ADH1B: variants seen among roughly 807,000 people sequenced by gnomAD.
ADH1B encodes the protein all-trans-retinol dehydrogenase [NAD(+)] ADH1B.
Under a neutral mutation model 34.6 loss-of-function variants are expected in ADH1B, and 29 were observed. That is an observed-to-expected ratio of 0.84 (90% CI 0.62 to 1.14). The LOEUF is 1.14. Among genes scored for constraint, ADH1B ranks in the 50% most tolerant of loss-of-function variants. ADH1B has a pLI of 0.00. For missense variants in ADH1B, 424 were observed against 468.4 expected (o/e 0.91, Z 0.87); for synonymous variants, 170 against 175.5 (o/e 0.97, Z 0.25).
chr4:99,311,772 C>G, intron 6 of ADH1B, 116 bp from the exon 7 acceptor site: 1 of 1,442,866 alleles, frequency 6.9e-7, no homozygotes. Context: ...GGGAAGAGAT[C>G]ATGTCTTTTG....
chr4:99,313,841 T>A lies in ADH1B; in HGVS notation c.808A>T (p.Ile270Phe). Residue 270 changes from isoleucine to phenylalanine, a missense_variant, in exon 6 of 9, where the codon ATC becomes TTC. Transcript: ENST00000305046. The part of the protein sequence containing the change: ...DGGVDFSFEV[I>F]GRLDTMMASL... ...CATACCATGGTGTCAAGCCGACCGA[T>A]GACTTCAAACGAAAAATCCACACCT... 1 of 1,614,060 alleles carries A rather than the reference T, an allele frequency of 6.2e-7. No homozygotes were observed. Among genetic ancestry groups the A allele is most frequent in the Non-Finnish European group, 8.5e-7 (1 of 1,179,902 alleles).
At chr4:99,316,838 C>T (rs1733897604) in intron 3 of ADH1B, 1 of 143,566 alleles carries the variant, frequency 7.0e-6, no homozygotes, top group Non-Finnish European at 1.5e-5. Flanking sequence ...TTTAAAAAAT[C>T]CTAGGTCTTT....
chr4:99,313,890 T>C lies in ADH1B; in HGVS notation c.759A>G (p.Glu253=), dbSNP rs758125644. 6.8e-5 allele frequency: 110 copies of C among 1,614,006 alleles called. No individual in the cohort carries two copies. Among genetic ancestry groups the C allele is most frequent in the Non-Finnish European group, 8.6e-5 (102 of 1,179,966 alleles). ...CTCCATCAGTCATTTCCTTTAGCAC[T>C]TCCTGAATGGGTTTCTTGTAGTCTT... The part of the protein sequence containing the change: ...NPQDYKKPIQ[E]VLKEMTDGGV... Residue 253 remains glutamate, a synonymous_variant, in exon 6 of 9, where the codon GAA becomes GAG. Coordinates refer to ENST00000305046, the MANE Select transcript of ADH1B (RefSeq NM_000668.6).
At chr4:99,313,301 AT>A (rs1733797724) in intron 6 of ADH1B, among the ~76,000 whole-genome samples, 1 of 152,194 alleles carries the variant, frequency 6.6e-6, no homozygotes. Context: ...CTGTGATAAA[AT>A]ACAGTGATGT....
At chr4:99,318,335 TC>T in intron 2 of ADH1B, 151 bp from the exon 3 acceptor site, 2 of 1,023,924 alleles carry the variant, frequency 2.0e-6, no homozygotes, top group Non-Finnish European at 2.9e-6. Flanking sequence ...ATTCAGTTTA[TC>T]CCCAAGGTTA....
intron 6 of ADH1B, among the ~76,000 whole-genome samples, chr4:99,312,757 G>A (rs1246440415): frequency 1.3e-5 from 2 of 152,110 alleles, no homozygotes; most frequent in Non-Finnish European, 2.9e-5. Context: ...GGAGGCTGAG[G>A]TAGGAGAATC....
rs1461370912 is a variant in ADH1B, at chr4:99,307,699, A to G, written c.*141T>C. The G allele has an allele frequency of 9.8e-7, 1 of 1,016,906 alleles. No individual in the cohort carries two copies. The highest frequency in any genetic ancestry group is 1.7e-5 in the African/African-American group (1 of 59,676). The allele number at this position is 1,016,906 out of a possible 1,614,324, so 63.0% of individuals were successfully genotyped here. On this transcript the variant is annotated 3_prime_UTR_variant, in exon 9 of 9. Coordinates refer to ENST00000305046, the MANE Select transcript of ADH1B (RefSeq NM_000668.6). The stretch of plus-strand genomic sequence containing the variant: ...GAAAAATAATTTCCCATCAATTTCC[A>G]TTTCTTTGGAAAGCCCCCATGTGTA...
chr4:99,321,253 A>C, intron 1 of ADH1B, 61 bp downstream of exon 1: 6 of 1,388,314 alleles, frequency 4.3e-6, no homozygotes, highest in Non-Finnish European at 6.1e-6. Flanking sequence ...CAAATACTGT[A>C]TTCCTTTCTT....
intron 8 of ADH1B, 140 bp from the exon 9 acceptor site, chr4:99,308,004 G>C: frequency 4.5e-6 from 5 of 1,108,234 alleles, no homozygotes; most frequent in Non-Finnish European, 6.4e-6. Context: ...CCATACATTT[G>C]GTTCAAGAAA....
chr4:99,313,800 A>G (rs752789670), intron 6 of ADH1B, 21 bp downstream of exon 6: 4 of 1,614,042 alleles, frequency 2.5e-6, no homozygotes, highest in Non-Finnish European at 3.4e-6. Context: ...CAGAAATCTC[A>G]GGGCATGTCA....
Position 99,316,038 on chromosome 4 carries a change from C to A in ADH1B, c.427G>T (p.Gly143Cys). 2 of 1,614,180 alleles carry A rather than the reference C, an allele frequency of 1.2e-6. No individual in the cohort carries two copies. Among genetic ancestry groups the A allele is most frequent in the South Asian group, 2.2e-5 (2 of 91,070 alleles). ...CRGKPIHHFL[G>C]TSTFSQYTVV... Reference sequence around the variant, plus strand: ...GTGTACTGGGAGAAGGTGCTGGTGCCAAGGAAGTGGTGAATGGGCTTCCCC... The same window carrying A: ...GTGTACTGGGAGAAGGTGCTGGTGCAAAGGAAGTGGTGAATGGGCTTCCCC... The change falls in exon 5 of 9, where the codon GGC becomes TGC. Residue 143 changes from glycine (G) to cysteine (C), a missense_variant. By Grantham distance (159) the Gly-to-Cys change is radical. This residue lies in a region of ADH1B where 291 missense variants were observed against 300.4 expected (regional missense o/e 0.97). Coordinates refer to ENST00000305046, the MANE Select transcript of ADH1B (RefSeq NM_000668.6).
At position 99,305,286 on chromosome 4, in the gene ADH1B, G is replaced by A. The variant is rs551168238; in HGVS notation, c.*2554C>T. On this transcript the variant is annotated 3_prime_UTR_variant, in exon 9 of 9. Transcript: ENST00000305046. Reference sequence around the variant, plus strand: ...TCAGAATTTCATTTTAAATATGTTCGTGATATTATTGAAGTCACCCCCCCC... The same window carrying A: ...TCAGAATTTCATTTTAAATATGTTCATGATATTATTGAAGTCACCCCCCCC... The A allele has an allele frequency of 3.6e-5, 5 of 139,342 alleles. No homozygotes were observed. Among genetic ancestry groups the A allele is most frequent in the Non-Finnish European group, 7.9e-5 (5 of 63,372 alleles). 8.6% of individuals were successfully genotyped at this position (139,342 alleles called of 1,614,324 possible).
chr4:99,320,077 G>C (rs1037488798), intron 1 of ADH1B: 1 of 152,030 alleles, frequency 6.6e-6, no homozygotes, highest in Non-Finnish European at 1.5e-5. Context: ...AGTTTTTGGG[G>C]TGCAGATGGT....
Position 99,313,980 on chromosome 4 carries a change from C to T in ADH1B, c.669G>A (p.Val223=). The change falls in exon 6 of 9, where the codon GTG becomes GTA. Residue 223 remains valine (V), a synonymous_variant. Coordinates refer to ENST00000305046, the MANE Select transcript of ADH1B (RefSeq NM_000668.6). Reference sequence around the variant, plus strand: ...TTGCAAATTTGTCCTTGTTGATGTCCACCGCAATGATTCTGGCTGCTCCAG... The same window carrying T: ...TTGCAAATTTGTCCTTGTTGATGTCTACCGCAATGATTCTGGCTGCTCCAG... The part of the protein sequence containing the change: ...KAAGAARIIA[V]DINKDKFAKA... 6 of 1,614,124 alleles carry T rather than the reference C, an allele frequency of 3.7e-6. No homozygotes were observed. Among genetic ancestry groups the T allele is most frequent in the Admixed American group, 1.7e-5 (1 of 60,022 alleles).
Position 99,318,788 on chromosome 4 carries a change from A to G in ADH1B, c.117T>C (p.Ile39=). The part of the protein sequence containing the change: ...VAPPKAYEVR[I]KMVAVGICHT... ...TATAAATGGAAAAATATTTCACCTT[A>G]ATGCGAACTTCATAAGCCTTAGGAG... is the stretch of plus-strand genomic sequence containing the variant. Residue 39 remains isoleucine, a synonymous_variant, in exon 2 of 9, where the codon ATT becomes ATC. Transcript: ENST00000305046. 6.2e-7 allele frequency: 1 copy of G among 1,609,292 alleles called. No individual in the cohort carries two copies. The highest frequency in any genetic ancestry group is 2.2e-5 in the East Asian group (1 of 44,828).
chr4:99,309,140 A>G (rs953616344), intron 8 of ADH1B, among the ~76,000 whole-genome samples: 1 of 152,056 alleles, frequency 6.6e-6, no homozygotes, highest in African/African-American at 2.4e-5. Context: ...TTATGAAATT[A>G]TTTTCCTTGT....
In ADH1B at chr4:99,306,370, T is replaced by C. The variant is rs1302860458; in HGVS notation, c.*1470A>G. The C allele has an allele frequency of 6.6e-6, 1 of 152,128 alleles. No individual in the cohort carries two copies. The highest frequency in any genetic ancestry group is 1.5e-5 in the Non-Finnish European group (1 of 68,028). The allele number at this position is 152,128 out of a possible 1,614,324, so 9.4% of individuals were successfully genotyped here. On this transcript the variant is annotated 3_prime_UTR_variant, in exon 9 of 9. Coordinates refer to ENST00000305046, the MANE Select transcript of ADH1B (RefSeq NM_000668.6). ...CCCACATTTACATGGCCCTTCTTAA[T>C]TGGCGAAGCTCTTTCATTAACATCA...
rs940163189 is a variant in ADH1B at position 99,306,546 on chromosome 4, A to T, written c.*1294T>A. 1 of 152,232 alleles carries T rather than the reference A, an allele frequency of 6.6e-6. No individual in the cohort carries two copies. The highest frequency in any genetic ancestry group is 6.5e-5 in the Admixed American group (1 of 15,288). 9.4% of individuals were successfully genotyped at this position (152,232 alleles called of 1,614,324 possible). A position where few individuals can be genotyped will look rare whatever the true frequency, so the allele number is the denominator to read the frequency against. ...CTTTATGTCTAAGGTCTTTCATAAT[A>T]TGAAATAGAATGTAGATATTGCAAC... On this transcript the variant is annotated 3_prime_UTR_variant, in exon 9 of 9. Coordinates refer to ENST00000305046, the MANE Select transcript of ADH1B (RefSeq NM_000668.6).
chr4:99,317,120 GT>G (rs1733905372), intron 3 of ADH1B: 1 of 152,066 alleles, frequency 6.6e-6, no homozygotes, highest in Non-Finnish European at 1.5e-5. Context: ...ATTATTTTCT[GT>G]TCACAGTTTA....
Sources: gnomAD v4.1 joint callset for allele counts (sites outside exome capture counted in the v4.1 genomes callset) on GRCh38, gnomAD v4.1.1 for gene constraint, gnomAD v4.1.1 regional missense constraint, MANE v1.5 for transcripts, NCBI Gene and HGNC (gene_info 2026-07-23, HGNC 2026-07-21) for gene names.